The following CPAP variants were observed in gnomAD, a reference collection of about 807,000 sequenced individuals.
CPAP encodes centrosomal P4.1-associated protein.
the CPAP span, among the ~76,000 whole-genome samples, chr13:24,897,704 T>C: frequency 1.3e-4 from 20 of 152,212 alleles, no homozygotes; most frequent in Non-Finnish European, 2.5e-4. Flanking sequence ...CATGAATGTA[T>C]ATATGTACTT....
the CPAP span, among the ~76,000 whole-genome samples, chr13:24,911,748 G>A: frequency 6.6e-6 from 1 of 151,326 alleles, no homozygotes; most frequent in Non-Finnish European, 1.5e-5. Context: ...CCTTAAAGCA[G>A]GGCATGCGCA....
chr13:24,884,484 T>TATCA, the CPAP span: 2 of 1,613,362 alleles, frequency 1.2e-6, no homozygotes, highest in Non-Finnish European at 8.5e-7. Context: ...AACACAAGAT[T>TATCA]ATCACCTAAG....
At chr13:24,902,518 G>C in the CPAP span, among the ~76,000 whole-genome samples, 1 of 152,204 alleles carries the variant, frequency 6.6e-6, no homozygotes, top group African/African-American at 2.4e-5. Flanking sequence ...GCAGATTATA[G>C]TATAGTAACC....
chr13:24,885,575 G>T, the CPAP span: 6 of 1,501,252 alleles, frequency 4.0e-6, no homozygotes, highest in Non-Finnish European at 5.6e-6. Flanking sequence ...AGTAATGTAT[G>T]TTTGAAGAAT....
the CPAP span, among the ~76,000 whole-genome samples, chr13:24,925,621 G>C: frequency 6.6e-6 from 1 of 152,146 alleles, no homozygotes; most frequent in South Asian, 2.1e-4. Context: ...AAAAAGTGGG[G>C]GAGGACATCA....
chr13:24,931,556 C>T, the CPAP span, among the ~76,000 whole-genome samples: 1 of 152,034 alleles, frequency 6.6e-6, no homozygotes, highest in African/African-American at 2.4e-5. Flanking sequence ...CTACTCTATC[C>T]TTTCTATTCT....
At chr13:24,921,511 C>T in the CPAP span, among the ~76,000 whole-genome samples, 1 of 152,158 alleles carries the variant, frequency 6.6e-6, no homozygotes. Context: ...TACACTTAGG[C>T]TGTACACTTA....
the CPAP span, chr13:24,907,877 T>C: frequency 1.5e-5 from 10 of 667,158 alleles, no homozygotes; most frequent in Non-Finnish European, 2.4e-5. Context: ...CAGTACATAA[T>C]AGGTTGTATC....
At chr13:24,884,215 G>A in the CPAP span, 5 of 1,614,186 alleles carry the variant, frequency 3.1e-6, no homozygotes, top group Non-Finnish European at 4.2e-6. Context: ...TATGTCGTGT[G>A]AGTGGTCTGG....
chr13:24,906,417 G>T, the CPAP span: 1 of 1,613,508 alleles, frequency 6.2e-7, no homozygotes, highest in South Asian at 1.1e-5. Context: ...TCCCTTATGG[G>T]GCTCTTAGCA....
At chr13:24,921,406 C>T in the CPAP span, among the ~76,000 whole-genome samples, 1 of 152,266 alleles carries the variant, frequency 6.6e-6, no homozygotes, top group African/African-American at 2.4e-5. Context: ...CGCCTGGAAC[C>T]GCCATTCTTT....
the CPAP span, among the ~76,000 whole-genome samples, chr13:24,896,307 G>C: frequency 6.6e-6 from 1 of 152,200 alleles, no homozygotes; most frequent in East Asian, 1.9e-4. Context: ...CAACTCACCA[G>C]CCCAGCCCCT....
the CPAP span, among the ~76,000 whole-genome samples, chr13:24,889,595 G>A: frequency 2.4e-3 from 362 of 149,892 alleles, no homozygotes; most frequent in African/African-American, 8.7e-3. Context: ...ACACGCACGC[G>A]CGCCCCTTTT....
the CPAP span, chr13:24,913,144 T>C: frequency 1.2e-6 from 1 of 850,118 alleles, no homozygotes; most frequent in Non-Finnish European, 1.9e-6. Context: ...TTAGATGTCC[T>C]ACCAAAAATG....
the CPAP span, chr13:24,906,466 G>A: frequency 5.0e-6 from 8 of 1,614,100 alleles, no homozygotes; most frequent in Non-Finnish European, 6.8e-6. Context: ...GAGGAAGTCT[G>A]TCTTTACCTT....
the CPAP span, among the ~76,000 whole-genome samples, chr13:24,894,799 A>G: frequency 6.6e-6 from 1 of 151,592 alleles, no homozygotes; most frequent in Non-Finnish European, 1.5e-5. Flanking sequence ...GTGCAAAGGG[A>G]GGGAGAGGCC....
At chr13:24,905,364 TTA>T in the CPAP span, 1 of 1,614,156 alleles carries the variant, frequency 6.2e-7, no homozygotes, top group Non-Finnish European at 8.5e-7. Flanking sequence ...TGGTCTTGAC[TTA>T]TGTTTAACTT....
chr13:24,917,184 GCA>G, the CPAP span, among the ~76,000 whole-genome samples: 1 of 152,186 alleles, frequency 6.6e-6, no homozygotes. Context: ...CTGGGAGGCA[GCA>G]GATCTTGCAG....
the CPAP span, among the ~76,000 whole-genome samples, chr13:24,902,931 AAAACAAAGAAATACGGTGTGT>A: frequency 6.6e-6 from 1 of 152,194 alleles, no homozygotes; most frequent in Non-Finnish European, 1.5e-5. Context: ...CAAATACCAA[AAAACAAAGAAATACGGTGTGT>A]ATGTGACATA....
Sources: allele counts gnomAD v4.1 joint callset (sites outside exome capture counted in the v4.1 genomes callset), GRCh38; gene constraint gnomAD v4.1.1; transcripts MANE v1.5; gene names NCBI Gene and HGNC (gene_info 2026-07-23, HGNC 2026-07-21).